The following SHB variants were observed in gnomAD, a reference collection of about 807,000 sequenced individuals.
SHB encodes the protein SH2 domain-containing adapter protein B.
In SHB, 20 loss-of-function variants were observed where a neutral mutation model predicts 52.3. That is an observed-to-expected ratio of 0.38 (90% CI 0.27 to 0.56). The LOEUF (loss-of-function observed/expected upper bound fraction) is 0.56, where lower values mean the gene tolerates loss of function less well. SHB is among the 20% of genes least tolerant of loss of function. SHB has a pLI of 0.71. For missense variants in SHB, 825 were observed against 723.3 expected (o/e 1.14, Z -1.61); for synonymous variants, 397 against 316.5 (o/e 1.25, Z -2.70).
intron 4 of SHB, among the ~76,000 whole-genome samples, chr9:37,949,708 C>T (rs1343878372): frequency 2.6e-5 from 4 of 152,178 alleles, no homozygotes; most frequent in African/African-American, 4.8e-5. Context: ...GAGGGCCACG[C>T]TCTGACTCAG....
At chr9:37,978,930 G>A (rs550399321) in intron 2 of SHB, among the ~76,000 whole-genome samples, 8 of 152,362 alleles carry the variant, frequency 5.3e-5, no homozygotes, top group East Asian at 1.9e-4. Context: ...CAGGAGCTGC[G>A]TGTATTTAGG....
At chr9:37,961,026 T>A (rs1832687453) in intron 3 of SHB, among the ~76,000 whole-genome samples, 1 of 152,186 alleles carries the variant, frequency 6.6e-6, no homozygotes, top group South Asian at 2.1e-4. Context: ...GCTGTGCACT[T>A]CCTACTTCTA....
rs543040391 is a variant in SHB at position 37,994,761 on chromosome 9, CCAGT to C, written c.839-19928_839-19925del. Reference sequence around the variant, plus strand: ...GCTGACATCTGGTATAAATGACTCACCAGTCAATCGGTTTATGTCCACATGGGGA... The same window carrying C: ...GCTGACATCTGGTATAAATGACTCACCAATCGGTTTATGTCCACATGGGGA... On this transcript the variant is annotated intron_variant, in intron 2 of 5. Transcript: ENST00000377707. Among the ~76,000 whole-genome samples the C allele has an allele frequency of 2.0e-4, 30 of 152,310 alleles. No individual in the cohort carries two copies. The South Asian group carries it at 6.0e-3, about 31-fold the overall frequency.
At chr9:38,048,482 A>T (rs1177258672) in intron 1 of SHB, among the ~76,000 whole-genome samples, 1 of 152,112 alleles carries the variant, frequency 6.6e-6, no homozygotes, top group African/African-American at 2.4e-5. Flanking sequence ...TAAAATTTTT[A>T]AATTAGCTGG....
intron 2 of SHB, among the ~76,000 whole-genome samples, chr9:37,985,220 T>G (rs1272593934): frequency 6.6e-6 from 1 of 152,206 alleles, no homozygotes; most frequent in Non-Finnish European, 1.5e-5. Flanking sequence ...ATGCTCAGCC[T>G]GAGGGCAAGG....
At chr9:37,997,759 C>T (rs531059816) in intron 2 of SHB, among the ~76,000 whole-genome samples, 2 of 152,334 alleles carry the variant, frequency 1.3e-5, no homozygotes, top group East Asian at 3.9e-4. Context: ...CACAGAGACA[C>T]GGAGGCCGAG....
chr9:38,046,244 G>T (rs1821650804), intron 1 of SHB, among the ~76,000 whole-genome samples: 1 of 152,214 alleles, frequency 6.6e-6, no homozygotes, highest in Non-Finnish European at 1.5e-5. Flanking sequence ...CTTCACTTCT[G>T]TAAGTAAAGC....
At position 37,955,922 on chromosome 9, in the gene SHB, C is replaced by T. The variant is rs771663282; in HGVS notation, c.1187G>A (p.Gly396Glu). 5.0e-6 allele frequency: 8 copies of T among 1,613,712 alleles called. No individual in the cohort carries two copies. Among genetic ancestry groups the T allele is most frequent in the African/African-American group, 2.7e-5 (2 of 74,938 alleles). ...HGSPEFCGIL[G>E]ERVDPAVPLE... ...GGGGACGGCAGGATCCACCCTTTCTCCTAGGATCCCGCAGAACTCAGGGCT... is the reference window on the plus strand; with the variant it reads ...GGGGACGGCAGGATCCACCCTTTCTTCTAGGATCCCGCAGAACTCAGGGCT... The change falls in exon 4 of 6, where the codon GGA (glycine) becomes GAA (glutamate). Residue 396 changes from glycine to glutamate, a missense_variant. Coordinates refer to ENST00000377707, the MANE Select transcript of SHB (RefSeq NM_003028.3).
intron 1 of SHB, among the ~76,000 whole-genome samples, chr9:38,021,666 T>C (rs1297781337): frequency 6.7e-6 from 1 of 150,240 alleles, no homozygotes; most frequent in Non-Finnish European, 1.5e-5. Context: ...AGACTCTGTC[T>C]CAAAAGAAAA....
At chr9:37,968,864 T>C (rs1437341289) in intron 3 of SHB, among the ~76,000 whole-genome samples, 1 of 152,210 alleles carries the variant, frequency 6.6e-6, no homozygotes, top group Non-Finnish European at 1.5e-5. Context: ...GAGCCTTAGT[T>C]TCCCCAGAAG....
chr9:38,011,521 G>A (rs762273387), intron 2 of SHB, among the ~76,000 whole-genome samples: 2 of 152,142 alleles, frequency 1.3e-5, no homozygotes, highest in Non-Finnish European at 2.9e-5. Context: ...TGTGGGGCTG[G>A]TCCTGGGTGA....
intron 3 of SHB, among the ~76,000 whole-genome samples, chr9:37,957,184 G>A (rs1379430076): frequency 6.6e-6 from 1 of 152,174 alleles, no homozygotes; most frequent in African/African-American, 2.4e-5. Context: ...TGAAGCCGAG[G>A]CCAGCTGCAG....
intron 1 of SHB, among the ~76,000 whole-genome samples, chr9:38,054,567 C>T (rs1283831786): frequency 6.6e-6 from 1 of 152,184 alleles, no homozygotes; most frequent in Non-Finnish European, 1.5e-5. Flanking sequence ...ACAGTTGTGA[C>T]ATCAAAGGGT....
chr9:38,068,198 C>T lies in SHB; in HGVS notation c.448G>A (p.Ala150Thr), dbSNP rs917017958. ...CCASSGAGAA[A>T]SSSSSSGSPH... Reference sequence around the variant, plus strand: ...GAGCCGGAGGACGAGGACGAGGACGCGGCGGCCCCCGCGCCCGAGGAGGCG... The same window carrying T: ...GAGCCGGAGGACGAGGACGAGGACGTGGCGGCCCCCGCGCCCGAGGAGGCG... The change falls in exon 1 of 6, where the codon GCG (alanine) becomes ACG (threonine). Residue 150 changes from alanine to threonine, a missense_variant. Coordinates refer to ENST00000377707, the MANE Select transcript of SHB (RefSeq NM_003028.3). 6.4e-6 allele frequency: 9 copies of T among 1,402,370 alleles called. No homozygotes were observed. The highest frequency in any genetic ancestry group is 4.5e-5 in the African/African-American group (3 of 65,958). 86.9% of individuals were successfully genotyped at this position (1,402,370 alleles called of 1,614,324 possible).
chr9:38,047,803 GGT>G (rs1821677205), intron 1 of SHB, among the ~76,000 whole-genome samples: 1 of 152,204 alleles, frequency 6.6e-6, no homozygotes, highest in Admixed American at 6.5e-5. Context: ...AGCAAACAAG[GGT>G]GTGAGTTGCA....
intron 1 of SHB, among the ~76,000 whole-genome samples, chr9:38,017,882 G>A (rs1821235007): frequency 6.6e-6 from 1 of 152,108 alleles, no homozygotes; most frequent in African/African-American, 2.4e-5. Flanking sequence ...ACCATTTGCA[G>A]AATACATTAG....
chr9:37,994,252 C>A (rs1466585777), intron 2 of SHB, among the ~76,000 whole-genome samples: 1 of 152,202 alleles, frequency 6.6e-6, no homozygotes, highest in Non-Finnish European at 1.5e-5. Flanking sequence ...CCTCCAACTT[C>A]TCTCTGCTTC....
chr9:37,994,139 T>C (rs1820919206), intron 2 of SHB, among the ~76,000 whole-genome samples: 1 of 152,186 alleles, frequency 6.6e-6, no homozygotes, highest in African/African-American at 2.4e-5. Flanking sequence ...TGTTACTTTA[T>C]AGATGGTTAT....
At chr9:38,012,894 C>T (rs1017966452) in intron 2 of SHB, among the ~76,000 whole-genome samples, 4 of 151,450 alleles carry the variant, frequency 2.6e-5, no homozygotes, top group African/African-American at 9.7e-5. Flanking sequence ...CACTCCCACT[C>T]CACTGCCATC....
Sources: gnomAD v4.1 joint callset for allele counts (sites outside exome capture counted in the v4.1 genomes callset) on GRCh38, gnomAD v4.1.1 for gene constraint, MANE v1.5 for transcripts, NCBI Gene and HGNC (gene_info 2026-07-23, HGNC 2026-07-21) for gene names.